Variants in LGALS3 observed in about 807,000 individuals in gnomAD.
The protein encoded by LGALS3 is galectin-3.
A neutral mutation model predicts 20.7 loss-of-function variants in LGALS3; 18 were observed. The observed-to-expected ratio is 0.87, with a 90% CI of 0.60 to 1.29. The LOEUF (loss-of-function observed/expected upper bound fraction) is 1.29. Ranked by LOEUF, LGALS3 falls within the 50% of genes most tolerant of loss-of-function variation. LGALS3 has a pLI of 0.00. For missense variants in LGALS3, 315 were observed against 314.7 expected, an observed-to-expected ratio of 1.00 and a Z score of -0.01; for synonymous variants, 112 against 119.6, an observed-to-expected ratio of 0.94 and a Z score of 0.42.
chr14:55,142,741 CCATT>C lies in LGALS3; in HGVS notation c.592_595del (p.Phe198LysfsTer15), dbSNP rs773261193. Reference sequence around the variant, plus strand: ...GGTTTTCCCATTTGAAAGTGGGAAACCATTCAAAGTAAGTTATTGCTACTATTAT... The same window carrying C: ...GGTTTTCCCATTTGAAAGTGGGAAACCAAAGTAAGTTATTGCTACTATTAT... On this transcript the variant is annotated frameshift_variant, in exon 5 of 6. Coordinates refer to ENST00000254301, the MANE Select transcript of LGALS3 (RefSeq NM_002306.4). LOFTEE classifies it high-confidence loss of function. 1.3e-5 allele frequency: 21 copies of C among 1,610,998 alleles called. No individual in the cohort carries two copies. The South Asian group carries it at 2.0e-4, about 15-fold the overall frequency.
intron 1 of LGALS3, among the ~76,000 whole-genome samples, chr14:55,133,403 A>T (rs1431865243): frequency 7.9e-5 from 12 of 152,160 alleles, no homozygotes; most frequent in Admixed American, 7.9e-4. Flanking sequence ...GTTAGTATCA[A>T]ACCCTATATA....
chr14:55,144,990 CCTTT>C, intron 5 of LGALS3, 122 bp from the exon 6 acceptor site: 1 of 731,340 alleles, frequency 1.4e-6, no homozygotes, highest in South Asian at 1.9e-5. Flanking sequence ...ACATTTTTTC[CCTTT>C]ATTTCAGTTG....
chr14:55,137,955 T>C, intron 2 of LGALS3, 90 bp from the exon 3 acceptor site: 2 of 1,432,550 alleles, frequency 1.4e-6, no homozygotes, highest in South Asian at 3.6e-5. Context: ...CATATTCCTC[T>C]CCTTCTTAGA....
Position 55,138,135 on chromosome 14 carries a change from C to T in LGALS3, c.109C>T (p.Pro37Ser). ...CCAGCCTGCTGGGGCAGGGGGCTAC[C>T]CAGGGGCTTCCTATCCTGGGGCCTA... The part of the protein sequence containing the change: ...GNQPAGAGGY[P>S]GASYPGAYPG... The change falls in exon 3 of 6, where the codon CCA becomes TCA. Residue 37 changes from proline (P) to serine (S), a missense_variant. Physicochemically the swap from Pro to Ser is moderately conservative, Grantham distance 74 (BLOSUM62 -1). Transcript: ENST00000254301. The T allele has an allele frequency of 1.9e-6, 3 of 1,580,248 alleles. No homozygotes were observed. The highest frequency in any genetic ancestry group is 2.6e-6 in the Non-Finnish European group (3 of 1,166,668).
chr14:55,138,060 T>C lies in LGALS3; in HGVS notation c.34T>C (p.Ser12Pro). 1 of 1,504,816 alleles carries C rather than the reference T, an allele frequency of 6.6e-7. No homozygotes were observed. The highest frequency in any genetic ancestry group is 8.9e-7 in the Non-Finnish European group (1 of 1,127,820). 93.2% of individuals were successfully genotyped at this position (1,504,816 alleles called of 1,614,324 possible). The change falls in exon 3 of 6, where the codon TCT becomes CCT. Residue 12 changes from serine to proline, a missense_variant. By Grantham distance (74) the Ser-to-Pro change is moderately conservative. Coordinates refer to ENST00000254301, the MANE Select transcript of LGALS3 (RefSeq NM_002306.4). ...ADNFSLHDAL[S>P]GSGNPNPQGW... Reference sequence around the variant, plus strand: ...TTCTTTCCAGCTCCATGATGCGTTATCTGGGTCTGGAAACCCAAACCCTCA... The same window carrying C: ...TTCTTTCCAGCTCCATGATGCGTTACCTGGGTCTGGAAACCCAAACCCTCA...
chr14:55,136,229 T>C (rs1881390738), intron 1 of LGALS3, among the ~76,000 whole-genome samples: 1 of 152,220 alleles, frequency 6.6e-6, no homozygotes, highest in Non-Finnish European at 1.5e-5. Context: ...AAATATTTTT[T>C]TCCTTCACGT....
Position 55,129,619 on chromosome 14 carries a change from C to G in LGALS3, c.-5+319C>G, listed in dbSNP as rs965087694. Reference sequence around the variant, plus strand: ...CTCGTGGGCTTCGCCGCCGTCGCACCTCCGCCGCCTGCGCTCTGCGGCCCC... The same window carrying G: ...CTCGTGGGCTTCGCCGCCGTCGCACGTCCGCCGCCTGCGCTCTGCGGCCCC... On this transcript the variant is annotated intron_variant, in intron 1 of 5. Coordinates refer to ENST00000254301, the MANE Select transcript of LGALS3 (RefSeq NM_002306.4). The surrounding 1 kb of genome is among the most constrained non-coding windows in gnomAD (Gnocchi z 5.3). Among the ~76,000 whole-genome samples the G allele has an allele frequency of 6.6e-6, 1 of 152,214 alleles. No individual in the cohort carries two copies. The highest frequency in any genetic ancestry group is 2.4e-5 in the African/African-American group (1 of 41,450).
At chr14:55,137,229 G>A (rs1357995777) in intron 1 of LGALS3, 141 bp from the exon 2 acceptor site, 1 of 842,618 alleles carries the variant, frequency 1.2e-6, no homozygotes. Flanking sequence ...TTGAAGAGAT[G>A]TTTTTGTGGC....
chr14:55,134,761 G>A (rs543385764), intron 1 of LGALS3, among the ~76,000 whole-genome samples: 10 of 152,278 alleles, frequency 6.6e-5, no homozygotes, highest in African/African-American at 2.4e-4. Flanking sequence ...TGGAGTCACC[G>A]TGACTTCCCT....
At chr14:55,130,957 TACA>T (rs1194264934) in intron 1 of LGALS3, among the ~76,000 whole-genome samples, 7 of 152,244 alleles carry the variant, frequency 4.6e-5, no homozygotes, top group Non-Finnish European at 8.8e-5. Flanking sequence ...TTTACTTTTC[TACA>T]ACAATAGTCT....
intron 3 of LGALS3, among the ~76,000 whole-genome samples, chr14:55,139,305 C>T (rs1397513463): frequency 2.0e-5 from 3 of 152,164 alleles, no homozygotes; most frequent in Admixed American, 2.0e-4. Context: ...CAACTAGAGC[C>T]ATCAGCAAAG....
At chr14:55,131,089 G>A (rs1429789473) in intron 1 of LGALS3, among the ~76,000 whole-genome samples, 1 of 152,178 alleles carries the variant, frequency 6.6e-6, no homozygotes, top group Non-Finnish European at 1.5e-5. Flanking sequence ...ATATTTAGAG[G>A]TGATGTTTAA....
In LGALS3 at chr14:55,129,469, G is replaced by A. The variant is rs1881162732; in HGVS notation, c.-5+169G>A. ...CTGCCCTCCAGGAGCGGGGCGGCGG[G>A]CAGCGATCTGGGCCCGGGGCAGTCG... On this transcript the variant is annotated intron_variant, in intron 1 of 5. Coordinates refer to ENST00000254301, the MANE Select transcript of LGALS3 (RefSeq NM_002306.4). This position sits in a 1 kb window ranked among gnomAD's most constrained non-coding sequence, Gnocchi z 5.3. Among the ~76,000 whole-genome samples the A allele has an allele frequency of 2.6e-5, 4 of 152,244 alleles. No homozygotes were observed. The highest frequency in any genetic ancestry group is 2.6e-4 in the Admixed American group (4 of 15,302).
chr14:55,144,354 T>C (rs376332273), intron 5 of LGALS3, among the ~76,000 whole-genome samples: 19 of 152,312 alleles, frequency 1.2e-4, no homozygotes, highest in African/African-American at 3.4e-4. Context: ...CCATGTTGCC[T>C]GGGCTGGTCT....
intron 1 of LGALS3, among the ~76,000 whole-genome samples, chr14:55,131,823 T>C (rs991825615): frequency 2.0e-5 from 3 of 152,322 alleles, no homozygotes; most frequent in Admixed American, 6.5e-5. Context: ...GGAGCTATGA[T>C]GAGAAAGAAA....
intron 1 of LGALS3, among the ~76,000 whole-genome samples, chr14:55,136,980 A>T (rs1023734985): frequency 1.3e-5 from 2 of 152,168 alleles, no homozygotes; most frequent in Non-Finnish European, 2.9e-5. Flanking sequence ...AGCAGGCATA[A>T]GTGTGTGCAA....
At chr14:55,130,511 G>C (rs1881195619) in intron 1 of LGALS3, among the ~76,000 whole-genome samples, 1 of 151,760 alleles carries the variant, frequency 6.6e-6, no homozygotes, top group Non-Finnish European at 1.5e-5. Context: ...CACAGGGCCT[G>C]AGAAGAAAAA....
intron 4 of LGALS3, among the ~76,000 whole-genome samples, chr14:55,142,347 CA>C (rs1353767916): frequency 6.6e-6 from 1 of 152,072 alleles, no homozygotes; most frequent in Non-Finnish European, 1.5e-5. Context: ...GACAATGAGG[CA>C]AAAAATTCAA....
intron 1 of LGALS3, among the ~76,000 whole-genome samples, chr14:55,135,081 G>C (rs1341611660): frequency 6.6e-6 from 1 of 152,026 alleles, no homozygotes; most frequent in Non-Finnish European, 1.5e-5. Flanking sequence ...ATGAGCCTGG[G>C]AGGTGGAGGC....
Sources: gnomAD v4.1 joint callset for allele counts (sites outside exome capture counted in the v4.1 genomes callset) on GRCh38, gnomAD v4.1.1 for gene constraint, Gnocchi (gnomAD v3.1) non-coding constraint, MANE v1.5 for transcripts, NCBI Gene and HGNC (gene_info 2026-07-23, HGNC 2026-07-21) for gene names.